The following SULT1C3 variants were observed in gnomAD, a reference collection of about 807,000 sequenced individuals.
SULT1C3 encodes sulfotransferase family 1C member 3, also known as sulfotransferase 1C3.
Under a neutral mutation model 28.4 loss-of-function variants are expected in SULT1C3, and 31 were observed. The ratio of observed to expected loss-of-function variants is 1.09; its 90% confidence interval spans 0.82 to 1.47. The LOEUF is 1.47. SULT1C3 is among the 40% of genes most tolerant of loss of function. The pLI is 0.00. For synonymous variants in SULT1C3, 106 were observed against 92.2 expected (o/e 1.15, Z -0.86); for missense variants, 307 against 272.5 (o/e 1.13, Z -0.89).
chr2:108,260,012 T>C (rs753418106), intron 7 of SULT1C3, among the ~76,000 whole-genome samples: 1 of 152,124 alleles, frequency 6.6e-6, no homozygotes, highest in African/African-American at 2.4e-5. Flanking sequence ...AGGAAACCAG[T>C]AGAAATAAAG....
chr2:108,265,090 T>C (rs910044626), downstream of SULT1C3: 47 of 1,488,440 alleles, frequency 3.2e-5, no homozygotes, highest in Non-Finnish European at 3.9e-5. Context: ...TGTTTCATTC[T>C]CCATTATTTA....
At chr2:108,250,413 G>A (rs553220768) in intron 2 of SULT1C3, among the ~76,000 whole-genome samples, 1 of 152,122 alleles carries the variant, frequency 6.6e-6, no homozygotes, top group South Asian at 2.1e-4. Flanking sequence ...GAAATACTAA[G>A]TGTTGATAAG....
At chr2:108,265,141 G>A, downstream of SULT1C3, 1 of 1,440,202 alleles carries the variant, frequency 6.9e-7, no homozygotes, top group South Asian at 1.3e-5. Context: ...TGAGAGGCAA[G>A]TTGCCTGTTT....
intron 1 of SULT1C3, among the ~76,000 whole-genome samples, chr2:108,245,791 T>C (rs946036278): frequency 6.6e-6 from 1 of 152,214 alleles, no homozygotes; most frequent in Non-Finnish European, 1.5e-5. Context: ...TCATTACTTA[T>C]GCAAATTTCT....
At chr2:108,249,087 C>T (rs1487475641) in intron 2 of SULT1C3, among the ~76,000 whole-genome samples, 1 of 152,086 alleles carries the variant, frequency 6.6e-6, no homozygotes, top group Non-Finnish European at 1.5e-5. Flanking sequence ...GCAAAACACC[C>T]TGAAGTCCCA....
chr2:108,254,822 T>TGC (rs1312222661), intron 4 of SULT1C3, among the ~76,000 whole-genome samples: 47 of 151,248 alleles, frequency 3.1e-4, no homozygotes, highest in Non-Finnish European at 5.9e-4. Context: ...TATATGTGTA[T>TGC]ATATACACAT....
At chr2:108,252,078 G>GATAC (rs1442805824) in intron 2 of SULT1C3, among the ~76,000 whole-genome samples, 2 of 151,332 alleles carry the variant, frequency 1.3e-5, no homozygotes, top group African/African-American at 2.4e-5. Flanking sequence ...GAAGATAGTA[G>GATAC]ATACATACAT....
At chr2:108,260,371 T>C (rs1354507144) in intron 7 of SULT1C3, among the ~76,000 whole-genome samples, 197 bp from the exon 8 acceptor site, 2 of 152,068 alleles carry the variant, frequency 1.3e-5, no homozygotes, top group Non-Finnish European at 2.9e-5. Flanking sequence ...AGTATAAGGA[T>C]GCTGTGTGCC....
chr2:108,248,950 T>C (rs912174290), intron 2 of SULT1C3, among the ~76,000 whole-genome samples: 1 of 152,090 alleles, frequency 6.6e-6, no homozygotes, highest in Non-Finnish European at 1.5e-5. Flanking sequence ...GTCTGAGAAA[T>C]TTAAAGTATA....
At chr2:108,245,694 G>T (rs2104383084) in intron 1 of SULT1C3, among the ~76,000 whole-genome samples, 1 of 152,256 alleles carries the variant, frequency 6.6e-6, no homozygotes, top group African/African-American at 2.4e-5. Flanking sequence ...AGGCTTCCGG[G>T]CCTGTGATAG....
At chr2:108,252,979 T>C (rs1481546764) in intron 3 of SULT1C3, among the ~76,000 whole-genome samples, 1 of 152,012 alleles carries the variant, frequency 6.6e-6, no homozygotes, top group Non-Finnish European at 1.5e-5. Flanking sequence ...CCTAGAGGTC[T>C]TTCTTTCCAA....
At chr2:108,252,867 AG>A (rs1194485218) in intron 3 of SULT1C3, among the ~76,000 whole-genome samples, 1 of 152,040 alleles carries the variant, frequency 6.6e-6, no homozygotes, top group Admixed American at 6.6e-5. Context: ...GAGGAGAAGT[AG>A]GGGGGATATA....
At chr2:108,247,464 A>C in intron 2 of SULT1C3, 98 bp downstream of exon 2, 1 of 1,153,866 alleles carries the variant, frequency 8.7e-7, no homozygotes, top group Non-Finnish European at 1.2e-6. Flanking sequence ...TTGGAGAGAA[A>C]CAATTCCTCA....
At position 108,245,079 on chromosome 2, in the gene SULT1C3, G is replaced by A. The variant is rs73951720; in HGVS notation, c.-7-2109G>A. On this transcript the variant is annotated intron_variant, in intron 1 of 7. Transcript: ENST00000681802. ...TCCTTCCTTTCGGTATTGTGATCAA[G>A]GATGGAGAAGAAAACAGTAGAGGGC... 6.4e-3 allele frequency among the ~76,000 whole-genome samples: 975 copies of A among 152,292 alleles called. 6 individuals carry two copies. Among genetic ancestry groups the A allele is most frequent in the African/African-American group, 0.022 (907 of 41,566 alleles).
rs1675754460 is a variant in SULT1C3, at chr2:108,252,443, T to C, written c.251T>C (p.Leu84Pro). Reference sequence around the variant, plus strand: ...GAGAAATGCAAAAGAGCCCAGACTCTAGATAGACACGCTTTCCTTGAACTG... The same window carrying C: ...GAGAAATGCAAAAGAGCCCAGACTCCAGATAGACACGCTTTCCTTGAACTG... ...DVEKCKRAQT[L>P]DRHAFLELKF... Residue 84 changes from leucine to proline, a missense_variant, in exon 3 of 8, where the codon CTA becomes CCA. By Grantham distance (98) the Leu-to-Pro change is moderately conservative. Transcript: ENST00000681802. 1 of 1,612,530 alleles carries C rather than the reference T, an allele frequency of 6.2e-7. No individual in the cohort carries two copies. Among genetic ancestry groups the C allele is most frequent in the Non-Finnish European group, 8.5e-7 (1 of 1,179,120 alleles).
downstream of SULT1C3, chr2:108,264,819 A>G (rs1396928440): frequency 1.9e-6 from 3 of 1,603,668 alleles, no homozygotes; most frequent in Admixed American, 3.4e-5. Flanking sequence ...ACTGTTCCAC[A>G]TACAGGACCC....
At chr2:108,253,760 C>G (rs915679641) in intron 4 of SULT1C3, among the ~76,000 whole-genome samples, 1 of 151,812 alleles carries the variant, frequency 6.6e-6, no homozygotes, top group Non-Finnish European at 1.5e-5. Context: ...AAAATAAAAC[C>G]CTGTTGCTTT....
intron 1 of SULT1C3, among the ~76,000 whole-genome samples, chr2:108,242,743 A>G (rs1359615277): frequency 6.6e-6 from 1 of 152,096 alleles, no homozygotes; most frequent in East Asian, 1.9e-4. Flanking sequence ...TCGTGGGAAA[A>G]ACAGAGGGCT....
chr2:108,254,701 G>GTA (rs894632895), intron 4 of SULT1C3, among the ~76,000 whole-genome samples: 37 of 150,378 alleles, frequency 2.5e-4, no homozygotes, highest in Non-Finnish European at 3.4e-4. Context: ...GTGTGTGTGT[G>GTA]TATATATATA....
Sources: allele counts gnomAD v4.1 joint callset (sites outside exome capture counted in the v4.1 genomes callset), GRCh38; gene constraint gnomAD v4.1.1; transcripts MANE v1.5; gene names NCBI Gene and HGNC (gene_info 2026-07-23, HGNC 2026-07-21).